Variants in NF1 observed in about 807,000 individuals in gnomAD.
The protein encoded by NF1 is neurofibromin.
In NF1, 122 loss-of-function variants were observed where a neutral mutation model predicts 325.7. That is an observed-to-expected ratio of 0.37 (90% CI 0.32 to 0.44). The LOEUF is 0.44. NF1 is among the 20% of genes least tolerant of loss of function. NF1 has a pLI of 1.00. For synonymous variants in NF1, 1,091 were observed against 1,186.0 expected, an observed-to-expected ratio of 0.92 and a Z score of 1.65; for missense variants, 2,140 against 3,415.4, an observed-to-expected ratio of 0.63 and a Z score of 9.31.
intron 47 of NF1, among the ~76,000 whole-genome samples, chr17:31,342,366 G>T (rs2069846982): frequency 6.6e-6 from 1 of 152,174 alleles, no homozygotes; most frequent in African/African-American, 2.4e-5. Context: ...GGGAGGCCGA[G>T]TTGGGAGGAT....
Position 31,108,729 on chromosome 17 carries a change from G to T in NF1, c.60+13360G>T, listed in dbSNP as rs548832051. Reference sequence around the variant, plus strand: ...TTTCAGCGTGATTTATTCTTATACTGACTTTAAGAGCTGTGTAATATAAAA... The same window carrying T: ...TTTCAGCGTGATTTATTCTTATACTTACTTTAAGAGCTGTGTAATATAAAA... On this transcript the variant is annotated intron_variant, in intron 1 of 57. Coordinates refer to ENST00000358273, the MANE Select transcript of NF1 (RefSeq NM_001042492.3). Among the ~76,000 whole-genome samples, 13 of 152,006 alleles carry T rather than the reference G, an allele frequency of 8.6e-5. No homozygotes were observed. In the South Asian group the frequency reaches 2.7e-3, roughly 32 times the overall value.
chr17:31,263,063 GTAGGTAGATAGA>G (rs1459231391), intron 35 of NF1, among the ~76,000 whole-genome samples: 3 of 135,542 alleles, frequency 2.2e-5, no homozygotes, highest in Non-Finnish European at 4.8e-5. Flanking sequence ...AGGTAGGTAG[GTAGGTAGATAGA>G]TAGGTAGGTA....
chr17:31,113,814 T>C (rs1306347809), intron 1 of NF1, among the ~76,000 whole-genome samples: 2 of 152,216 alleles, frequency 1.3e-5, no homozygotes, highest in African/African-American at 4.8e-5. Context: ...TATACAGATA[T>C]TTCATCTTCT....
chr17:31,344,272 G>A (rs532071015), intron 48 of NF1, among the ~76,000 whole-genome samples: 2 of 152,162 alleles, frequency 1.3e-5, no homozygotes, highest in East Asian at 3.9e-4. Context: ...ATTCCTCAGA[G>A]CCCGCTCATT....
intron 1 of NF1, among the ~76,000 whole-genome samples, chr17:31,100,094 A>G (rs145439364): frequency 1.7e-3 from 265 of 152,216 alleles, no homozygotes; most frequent in African/African-American, 6.2e-3. Context: ...TATATTTTCC[A>G]TATCTGATCA....
At chr17:31,344,382 A>G (rs945159311) in intron 48 of NF1, among the ~76,000 whole-genome samples, 4 of 152,368 alleles carry the variant, frequency 2.6e-5, no homozygotes, top group African/African-American at 9.6e-5. Context: ...GCAGTTAATA[A>G]GAACAGCATG....
chr17:31,158,499 A>G (rs1327057491), intron 2 of NF1, among the ~76,000 whole-genome samples: 1 of 152,166 alleles, frequency 6.6e-6, no homozygotes, highest in East Asian at 1.9e-4. Flanking sequence ...TCAAAACAAA[A>G]CAGCATTGTT....
chr17:31,107,193 C>T (rs1407710110), intron 1 of NF1, among the ~76,000 whole-genome samples: 2 of 151,946 alleles, frequency 1.3e-5, no homozygotes, highest in African/African-American at 4.8e-5. Context: ...TGCCTTTATG[C>T]TCCATGTGAG....
intron 31 of NF1, chr17:31,253,586 A>G (rs2067529913): frequency 6.5e-6 from 1 of 152,906 alleles, no homozygotes. Context: ...TAAGAGGTAA[A>G]TGATAAGATA....
At chr17:31,179,103 A>G (rs2066078285) in intron 5 of NF1, among the ~76,000 whole-genome samples, 1 of 152,186 alleles carries the variant, frequency 6.6e-6, no homozygotes, top group African/African-American at 2.4e-5. Context: ...AAAATTGACC[A>G]CATAATTGGA....
intron 29 of NF1, among the ~76,000 whole-genome samples, chr17:31,238,375 A>G (rs531723196): frequency 6.3e-4 from 96 of 152,278 alleles, no homozygotes; most frequent in South Asian, 1.7e-3. Flanking sequence ...CCAGAGCTTT[A>G]TTTGACTTAG....
intron 36 of NF1, among the ~76,000 whole-genome samples, chr17:31,308,849 TCACTCA>T (rs1448312425): frequency 1.3e-5 from 2 of 152,348 alleles, no homozygotes; most frequent in Non-Finnish European, 2.9e-5. Flanking sequence ...TGTATGTATC[TCACTCA>T]CACTTCTATT....
intron 1 of NF1, among the ~76,000 whole-genome samples, chr17:31,134,465 A>T (rs1299896694): frequency 6.6e-6 from 1 of 152,164 alleles, no homozygotes. Flanking sequence ...CATATTTATT[A>T]GTTATTTATT....
chr17:31,357,403 G>A (rs768842008), intron 54 of NF1, 34 bp downstream of exon 54: 34 of 1,533,822 alleles, frequency 2.2e-5, no homozygotes, highest in South Asian at 3.4e-5. Flanking sequence ...ATTCACCTTC[G>A]TGCCTGTCTT....
chr17:31,107,879 T>A (rs1226116329), intron 1 of NF1, among the ~76,000 whole-genome samples: 3 of 152,120 alleles, frequency 2.0e-5, no homozygotes, highest in Non-Finnish European at 4.4e-5. Context: ...GGCTCACACC[T>A]GTAATCCCAG....
rs1224454019 is a variant in NF1 at position 31,360,707 on chromosome 17, A to G, written c.8377+4A>G. 3 of 1,604,334 alleles carry G rather than the reference A, an allele frequency of 1.9e-6. No individual in the cohort carries two copies. In the East Asian group the frequency reaches 6.7e-5, roughly 36 times the overall value. On this transcript the variant is annotated splice_donor_region_variant and intron_variant, in intron 57 of 57. Transcript: ENST00000358273. Reference sequence around the variant, plus strand: ...GCAACTTCCCAGCATTCCCCAGGTCAGTAAATGTGATCTTTATATGACTTT... The same window carrying G: ...GCAACTTCCCAGCATTCCCCAGGTCGGTAAATGTGATCTTTATATGACTTT...
At chr17:31,195,147 A>G (rs1044142936) in intron 8 of NF1, among the ~76,000 whole-genome samples, 1 of 152,160 alleles carries the variant, frequency 6.6e-6, no homozygotes, top group African/African-American at 2.4e-5. Flanking sequence ...ATAAATTGAC[A>G]TAATGGAAAT....
intron 1 of NF1, among the ~76,000 whole-genome samples, chr17:31,097,707 T>C (rs899728773): frequency 6.6e-6 from 1 of 152,288 alleles, no homozygotes; most frequent in South Asian, 2.1e-4. Flanking sequence ...TCCTCACTTT[T>C]TTTTTTTGAG....
At position 31,163,287 on chromosome 17, in the gene NF1, T is replaced by A. The variant is rs1597635884; in HGVS notation, c.390T>A (p.His130Gln). 1 of 1,614,210 alleles carries A rather than the reference T, an allele frequency of 6.2e-7. No individual in the cohort carries two copies. The part of the protein sequence containing the change: ...FLHTCREGNQ[H>Q]AAELRNSASG... ...ACACCTGTCGTGAAGGAAACCAGCATGCAGCTGAACTTCGGAATTCTGCCT... is the reference window on the plus strand; with the variant it reads ...ACACCTGTCGTGAAGGAAACCAGCAAGCAGCTGAACTTCGGAATTCTGCCT... Residue 130 changes from histidine to glutamine, a missense_variant, in exon 4 of 58, where the codon CAT becomes CAA. Around this residue, in one of 10 missense-constraint regions of NF1, gnomAD observed 246 missense variants for 347.8 expected, o/e 0.71. Coordinates refer to ENST00000358273, the MANE Select transcript of NF1 (RefSeq NM_001042492.3).
Sources: allele counts gnomAD v4.1 joint callset (sites outside exome capture counted in the v4.1 genomes callset), GRCh38; gene constraint gnomAD v4.1.1; regional missense constraint gnomAD v4.1.1; transcripts MANE v1.5; gene names NCBI Gene and HGNC (gene_info 2026-07-23, HGNC 2026-07-21).